The following FOXN3 variants were observed in gnomAD, a reference collection of about 807,000 sequenced individuals.
FOXN3 encodes the protein forkhead box N3.
A neutral mutation model predicts 38.4 loss-of-function variants in FOXN3; 7 were observed. The observed-to-expected ratio is 0.18, with a 90% CI of 0.10 to 0.34. The LOEUF is 0.34. FOXN3 is among the 10% of genes least tolerant of loss of function. The pLI is 1.00. For missense variants in FOXN3, 456 were observed against 613.4 expected (o/e 0.74, Z 2.71); for synonymous variants, 230 against 242.2 (o/e 0.95, Z 0.47).
At chr14:89,202,572 C>A (rs1888262272) in intron 4 of FOXN3, among the ~76,000 whole-genome samples, 1 of 152,208 alleles carries the variant, frequency 6.6e-6, no homozygotes, top group Admixed American at 6.5e-5. Flanking sequence ...TGGGGCCTCA[C>A]TGGAAGTGTT....
intron 4 of FOXN3, among the ~76,000 whole-genome samples, chr14:89,189,196 C>G (rs1887883013): frequency 6.6e-6 from 1 of 152,110 alleles, no homozygotes; most frequent in African/African-American, 2.4e-5. Context: ...CTGGGACAAG[C>G]AGAGGGGCTA....
intron 3 of FOXN3, among the ~76,000 whole-genome samples, chr14:89,289,048 G>C (rs1415558383): frequency 1.3e-5 from 2 of 151,452 alleles, no homozygotes; most frequent in African/African-American, 4.9e-5. Flanking sequence ...TGGGCATGGT[G>C]GTGGGCGCCT....
At chr14:89,276,305 C>A (rs1057344685) in intron 4 of FOXN3, among the ~76,000 whole-genome samples, 3 of 152,118 alleles carry the variant, frequency 2.0e-5, no homozygotes, top group East Asian at 1.9e-4. Flanking sequence ...TAACAACAAC[C>A]AACAGAAGTG....
intron 3 of FOXN3, among the ~76,000 whole-genome samples, chr14:89,323,652 G>A (rs567125245): frequency 1.3e-5 from 2 of 152,200 alleles, no homozygotes; most frequent in Admixed American, 1.3e-4. Context: ...CCAGGAGGCA[G>A]AGGTTGCAGT....
At chr14:89,586,944 T>C (rs904203486) in intron 1 of FOXN3, among the ~76,000 whole-genome samples, 2 of 152,274 alleles carry the variant, frequency 1.3e-5, no homozygotes, top group Non-Finnish European at 2.9e-5. Context: ...GCTCACTGTA[T>C]GTACTAGGCA....
At chr14:89,322,386 G>A (rs534545983) in intron 3 of FOXN3, among the ~76,000 whole-genome samples, 1 of 152,236 alleles carries the variant, frequency 6.6e-6, no homozygotes, top group African/African-American at 2.4e-5. Context: ...GTAAAGTTGG[G>A]GGCATGAAGG....
chr14:89,467,053 C>G (rs963346324), intron 1 of FOXN3, among the ~76,000 whole-genome samples: 5 of 152,344 alleles, frequency 3.3e-5, no homozygotes, highest in African/African-American at 1.2e-4. Flanking sequence ...TGGTAATAAT[C>G]ATGAACTCAG....
intron 1 of FOXN3, among the ~76,000 whole-genome samples, chr14:89,505,910 G>A (rs1213278275): frequency 1.7e-4 from 25 of 143,278 alleles, no homozygotes; most frequent in East Asian, 6.6e-4. Context: ...TGTGAGGAGC[G>A]TCTCTGCCCG....
intron 4 of FOXN3, among the ~76,000 whole-genome samples, chr14:89,276,067 A>G (rs796128422): frequency 1.6e-4 from 24 of 152,298 alleles, no homozygotes; most frequent in African/African-American, 5.5e-4. Context: ...ACATGAGATC[A>G]AAAGTTCGAG....
chr14:89,377,054 A>AAAAAAAAAAAAAAAAAAAAAAAAAAAAAT, intron 2 of FOXN3, among the ~76,000 whole-genome samples: 1 of 133,376 alleles, frequency 7.5e-6, no homozygotes. Context: ...AAAAAAAAAA[A>AAAAAAAAAAAAAAAAAAAAAAAAAAAAAT]GCTTGAGCCT....
At chr14:89,598,591 T>TG (rs1418749661) in intron 1 of FOXN3, among the ~76,000 whole-genome samples, 2 of 152,234 alleles carry the variant, frequency 1.3e-5, no homozygotes, top group African/African-American at 4.8e-5. Context: ...AGCCTCATGA[T>TG]AAGTTTTTAA....
chr14:89,610,329 G>A (rs890089285), intron 1 of FOXN3, among the ~76,000 whole-genome samples: 1 of 152,188 alleles, frequency 6.6e-6, no homozygotes, highest in Non-Finnish European at 1.5e-5. Flanking sequence ...CAAGTACTGG[G>A]ATCAACACGC....
chr14:89,397,162 T>A (rs1315330123), intron 2 of FOXN3, among the ~76,000 whole-genome samples: 1 of 152,122 alleles, frequency 6.6e-6, no homozygotes, highest in East Asian at 1.9e-4. Context: ...GAGGCCATTA[T>A]CCTCAGTAAA....
chr14:89,374,263 C>CAAAAAAAA (rs35623770), intron 2 of FOXN3, among the ~76,000 whole-genome samples: 43 of 48,160 alleles, frequency 8.9e-4, no homozygotes, highest in African/African-American at 3.1e-3. Context: ...GACCTTGTCT[C>CAAAAAAAA]AAAAAAAAAA....
At chr14:89,389,777 C>T (rs923747326) in intron 2 of FOXN3, among the ~76,000 whole-genome samples, 5 of 152,176 alleles carry the variant, frequency 3.3e-5, no homozygotes, top group African/African-American at 1.2e-4. Flanking sequence ...GCAAATCCAC[C>T]AGTCATCTCA....
chr14:89,170,517 T>C (rs1019719277), intron 5 of FOXN3, among the ~76,000 whole-genome samples: 38 of 152,174 alleles, frequency 2.5e-4, no homozygotes, highest in African/African-American at 8.9e-4. Flanking sequence ...CCTCACGCAA[T>C]CTCCCACCTC....
chr14:89,397,293 G>A (rs1220764494), intron 2 of FOXN3, among the ~76,000 whole-genome samples: 6 of 152,074 alleles, frequency 3.9e-5, no homozygotes, highest in Non-Finnish European at 8.8e-5. Flanking sequence ...GGAGGGTGGA[G>A]GGTGGGAGGA....
chr14:89,526,142 A>G (rs1894428450), intron 1 of FOXN3, among the ~76,000 whole-genome samples: 1 of 152,176 alleles, frequency 6.6e-6, no homozygotes, highest in Non-Finnish European at 1.5e-5. Context: ...AAGAGCATCT[A>G]CAACAAAAAG....
intron 1 of FOXN3, among the ~76,000 whole-genome samples, chr14:89,445,909 T>C (rs893944071): frequency 1.3e-5 from 2 of 150,832 alleles, no homozygotes; most frequent in Non-Finnish European, 3.0e-5. Flanking sequence ...AATGAGACGC[T>C]ATCACTACAG....
Sources: gnomAD v4.1 joint callset for allele counts (sites outside exome capture counted in the v4.1 genomes callset) on GRCh38, gnomAD v4.1.1 for gene constraint, MANE v1.5 for transcripts, NCBI Gene and HGNC (gene_info 2026-07-23, HGNC 2026-07-21) for gene names.